The following CEACAM8 variants were observed in gnomAD, a reference collection of about 807,000 sequenced individuals.
CEACAM8 encodes cell adhesion molecule CEACAM8.
Under a neutral mutation model 33.4 loss-of-function variants are expected in CEACAM8, and 31 were observed. The observed-to-expected ratio is 0.93, with a 90% CI of 0.70 to 1.25. CEACAM8 has a LOEUF of 1.25. CEACAM8 is among the 50% of genes most tolerant of loss of function. The pLI is 0.00. For missense variants in CEACAM8, 388 were observed against 434.6 expected (o/e 0.89, Z 0.95); for synonymous variants, 138 against 164.5 (o/e 0.84, Z 1.23).
chr19:42,594,447 T>C (rs1176779240), intron 1 of CEACAM8, among the ~76,000 whole-genome samples: 2 of 152,218 alleles, frequency 1.3e-5, no homozygotes, highest in East Asian at 3.8e-4. Context: ...CATTGTTGGC[T>C]GAGGACAATG....
chr19:42,592,597 C>CAAAAAAAAAA (rs922130468), intron 2 of CEACAM8, among the ~76,000 whole-genome samples: 290 of 40,476 alleles, frequency 7.2e-3, no homozygotes, highest in Non-Finnish European at 9.9e-3. Flanking sequence ...GACTCCGTCT[C>CAAAAAAAAAA]AAAAAAAAAA....
intron 4 of CEACAM8, among the ~76,000 whole-genome samples, chr19:42,585,671 C>G: frequency 6.6e-6 from 1 of 152,136 alleles, no homozygotes; most frequent in Non-Finnish European, 1.5e-5. Flanking sequence ...AAGCTTTCCC[C>G]CTATGATCAG....
rs540096602 is a variant in CEACAM8, at chr19:42,589,487, A to T, written c.673T>A (p.Phe225Ile). Residue 225 changes from phenylalanine (F) to isoleucine (I), a missense_variant, in exon 3 of 6, where the codon TTC (phenylalanine) becomes ATC (isoleucine). By Grantham distance (21) the Phe-to-Ile change is conservative (BLOSUM62 0). Coordinates refer to ENST00000244336, the MANE Select transcript of CEACAM8 (RefSeq NM_001816.4). ...CEIQNPASAN[F>I]SDPVTLNVLY... The stretch of plus-strand genomic sequence containing the variant: ...ACATTCAGGGTGACTGGGTCACTGA[A>T]GTTTGCACTCGCTGGGTTCTGTATT... 3 of 1,614,210 alleles carry T rather than the reference A, an allele frequency of 1.9e-6. No homozygotes were observed. The South Asian group carries it at 3.3e-5, about 18-fold the overall frequency.
At chr19:42,587,892 A>G (rs2042363318) in intron 4 of CEACAM8, among the ~76,000 whole-genome samples, 1 of 152,196 alleles carries the variant, frequency 6.6e-6, no homozygotes, top group African/African-American at 2.4e-5. Context: ...TAATCCAGCT[A>G]CTTGGGAGGC....
chr19:42,582,363 C>T (rs1296482025), intron 5 of CEACAM8, among the ~76,000 whole-genome samples: 1 of 152,068 alleles, frequency 6.6e-6, no homozygotes, highest in African/African-American at 2.4e-5. Context: ...TTTTTCATAT[C>T]TTATCTCCTG....
At chr19:42,584,959 A>T (rs1170412602) in intron 4 of CEACAM8, among the ~76,000 whole-genome samples, 1 of 152,202 alleles carries the variant, frequency 6.6e-6, no homozygotes, top group Non-Finnish European at 1.5e-5. Context: ...AACTAGACTG[A>T]CTAAGAAAAA....
In CEACAM8 at chr19:42,588,734, G is replaced by C. The variant is rs376875107; in HGVS notation, c.958+50C>G. On this transcript the variant is annotated intron_variant, in intron 4 of 5. Transcript: ENST00000244336. The stretch of plus-strand genomic sequence containing the variant: ...TTTTCTGGCTCATCTCTGAAAGCCA[G>C]ATAGACTCTACCAGAAAACATACTG... The C allele has an allele frequency of 2.1e-4, 343 of 1,603,040 alleles. 2 individuals carry two copies. The highest frequency in any genetic ancestry group is 2.7e-4 in the Non-Finnish European group (314 of 1,171,340).
rs193163355 is a variant in CEACAM8, at chr19:42,584,822, T to C, written c.959-1485A>G. ...GAAAAACAAACTAAACCCAAATATA[T>C]TGAATGAAGGAAGTAATAAGGATTA... On this transcript the variant is annotated intron_variant, in intron 4 of 5. Transcript: ENST00000244336. Among the ~76,000 whole-genome samples the C allele has an allele frequency of 1.5e-3, 221 of 152,116 alleles. 3 individuals are homozygous for C. Among genetic ancestry groups the C allele is most frequent in the Non-Finnish European group, 2.8e-4 (19 of 68,000 alleles).
Position 42,593,541 on chromosome 19 carries a change from G to A in CEACAM8, c.424C>T (p.Pro142Ser), listed in dbSNP as rs146875157. 3 of 1,557,044 alleles carry A rather than the reference G, an allele frequency of 1.9e-6. No homozygotes were observed. Among genetic ancestry groups the A allele is most frequent in the Admixed American group, 1.8e-5 (1 of 54,646 alleles). ...CCAGAGGTCATGGGGAATCACTCACGATGTACGCTGAACTGGCCAGTTACT... is the reference window on the plus strand; with the variant it reads ...CCAGAGGTCATGGGGAATCACTCACAATGTACGCTGAACTGGCCAGTTACT... ...EEVTGQFSVH[P>S]ETPKPSISSN... The change falls in exon 2 of 6, where the codon CCG becomes TCG. Residue 142 changes from proline (P) to serine (S), a missense_variant and splice_region_variant. By Grantham distance (74) the Pro-to-Ser change is moderately conservative. Transcript: ENST00000244336.
chr19:42,585,313 CAAAA>C (rs34190972), intron 4 of CEACAM8, among the ~76,000 whole-genome samples: 33 of 61,954 alleles, frequency 5.3e-4, no homozygotes, highest in Admixed American at 1.7e-4. Context: ...CTCTCTCTCT[CAAAA>C]AAAAAAAAAA....
At chr19:42,585,860 C>A (rs1398904133) in intron 4 of CEACAM8, among the ~76,000 whole-genome samples, 1 of 152,032 alleles carries the variant, frequency 6.6e-6, no homozygotes, top group Non-Finnish European at 1.5e-5. Context: ...ATGAAAAAAA[C>A]CTGTTAGAAT....
intron 5 of CEACAM8, among the ~76,000 whole-genome samples, chr19:42,582,144 T>C (rs2042270775): frequency 6.6e-6 from 1 of 151,514 alleles, no homozygotes; most frequent in Admixed American, 6.6e-5. Context: ...GAGTTCTCCA[T>C]CCTGGTTACA....
intron 2 of CEACAM8, 33 bp downstream of exon 2, chr19:42,593,508 C>A (rs770661147): frequency 6.5e-7 from 1 of 1,538,538 alleles, no homozygotes; most frequent in South Asian, 1.3e-5. Flanking sequence ...AGAACTGACC[C>A]CCAACACCCA....
intron 5 of CEACAM8, among the ~76,000 whole-genome samples, chr19:42,581,920 A>AAAAATATATATAT (rs1555805368): frequency 4.0e-5 from 1 of 25,310 alleles, no homozygotes; most frequent in Non-Finnish European, 6.6e-5. Context: ...AAAAAAAAAA[A>AAAAATATATATAT]ATATATATAT....
At chr19:42,585,928 C>T (rs966445616) in intron 4 of CEACAM8, among the ~76,000 whole-genome samples, 2 of 151,996 alleles carry the variant, frequency 1.3e-5, no homozygotes, top group African/African-American at 4.8e-5. Context: ...ACATCAGTTG[C>T]ATTTCTATAC....
intron 2 of CEACAM8, among the ~76,000 whole-genome samples, chr19:42,591,605 G>A (rs2042440345): frequency 6.6e-6 from 1 of 152,220 alleles, no homozygotes; most frequent in African/African-American, 2.4e-5. Context: ...GGAGACACAA[G>A]TAGAATTGGA....
rs772817344 is a variant in CEACAM8 at position 42,593,733 on chromosome 19, G to C, written c.232C>G (p.Arg78Gly). 127 of 1,613,866 alleles carry C rather than the reference G, an allele frequency of 7.9e-5. No individual in the cohort carries two copies. Among genetic ancestry groups the C allele is most frequent in the Middle Eastern group, 6.6e-4 (4 of 6,082 alleles). Residue 78 changes from arginine (R) to glycine (G), a missense_variant, in exon 2 of 6, where the codon CGA (arginine) becomes GGA (glycine). Arg to Gly is a moderately radical substitution (Grantham distance 125, BLOSUM62 -2). Transcript: ENST00000244336. ...TTTGATATTACATATCCTATAATTC[G>C]ACGGTTGGCATCCACTGTTTCCCCT... is the stretch of plus-strand genomic sequence containing the variant. ...YKGETVDANR[R>G]IIGYVISNQQ...
rs988701181 is a variant in CEACAM8, at chr19:42,589,176, G to A, written c.704-138C>T. On this transcript the variant is annotated intron_variant, in intron 3 of 5. Coordinates refer to ENST00000244336, the MANE Select transcript of CEACAM8 (RefSeq NM_001816.4). ...CCCAACCAACCCCAACCAAACCCCC[G>A]CTGTTTCTACTGAGACAGAGTCCGA... is the stretch of plus-strand genomic sequence containing the variant. The A allele has an allele frequency of 2.4e-5, 27 of 1,114,736 alleles. No homozygotes were observed. The African/African-American group carries it at 3.1e-4, about 13-fold the overall frequency. The allele number at this position is 1,114,736 out of a possible 1,614,324, so 69.1% of individuals were successfully genotyped here. A position where few individuals can be genotyped will look rare whatever the true frequency, so the allele number is the denominator to read the frequency against.
At chr19:42,593,427 C>A in intron 2 of CEACAM8, 114 bp downstream of exon 2, 1 of 1,374,578 alleles carries the variant, frequency 7.3e-7, no homozygotes. Context: ...ATGTCCAAAC[C>A]CTAAAGTGGG....
Sources: allele counts gnomAD v4.1 joint callset (sites outside exome capture counted in the v4.1 genomes callset), GRCh38; gene constraint gnomAD v4.1.1; transcripts MANE v1.5; gene names NCBI Gene and HGNC (gene_info 2026-07-23, HGNC 2026-07-21).